The following SLC24A2 variants were observed in gnomAD, a reference collection of about 807,000 sequenced individuals.
SLC24A2 encodes the protein solute carrier family 24 member 2.
SLC24A2 carries 36 observed loss-of-function variants against 62.0 expected under a neutral mutation model. The ratio of observed to expected loss-of-function variants is 0.58; its 90% CI spans 0.44 to 0.77. The LOEUF (loss-of-function observed/expected upper bound fraction) is 0.77, where lower values mean the gene tolerates loss of function less well. Ranked by LOEUF, SLC24A2 falls within the 30% of genes least tolerant of loss-of-function variation. The pLI is 0.00. For synonymous variants in SLC24A2, 358 were observed against 294.0 expected, an observed-to-expected ratio of 1.22 and a Z score of -2.23; for missense variants, 846 against 817.9, an observed-to-expected ratio of 1.03 and a Z score of -0.42.
chr9:20,216,908 T>A, the SLC24A2 span, among the ~76,000 whole-genome samples: 1 of 152,166 alleles, frequency 6.6e-6, no homozygotes, highest in Non-Finnish European at 1.5e-5. Context: ...ATTAAATGTG[T>A]CTTAAACTTA....
chr9:19,751,331 C>T (rs1316306163), intron 2 of SLC24A2, among the ~76,000 whole-genome samples: 1 of 152,128 alleles, frequency 6.6e-6, no homozygotes, highest in Non-Finnish European at 1.5e-5. Flanking sequence ...ATGTGAAAGG[C>T]GGCCAAAGTA....
chr9:19,548,882 C>G (rs146268910), intron 8 of SLC24A2, among the ~76,000 whole-genome samples: 1 of 152,274 alleles, frequency 6.6e-6, no homozygotes, highest in Admixed American at 6.5e-5. Flanking sequence ...GAGACTCTCA[C>G]GAGGAACATT....
chr9:19,979,076 T>A, the SLC24A2 span, among the ~76,000 whole-genome samples: 1 of 152,310 alleles, frequency 6.6e-6, no homozygotes, highest in Middle Eastern at 3.4e-3. Flanking sequence ...AGCAGAGGAA[T>A]AAAATAACGA....
chr9:19,763,603 A>C (rs2118863288), intron 2 of SLC24A2, among the ~76,000 whole-genome samples: 1 of 152,228 alleles, frequency 6.6e-6, no homozygotes, highest in Non-Finnish European at 1.5e-5. Flanking sequence ...TGTTTATGTG[A>C]TGGATTATGT....
intron 2 of SLC24A2, among the ~76,000 whole-genome samples, chr9:19,652,290 C>A (rs1044285578): frequency 6.6e-6 from 1 of 152,126 alleles, no homozygotes; most frequent in African/African-American, 2.4e-5. Flanking sequence ...CCAAAGATGT[C>A]TGTGTCCTGT....
At chr9:20,195,296 C>T in the SLC24A2 span, among the ~76,000 whole-genome samples, 1 of 152,068 alleles carries the variant, frequency 6.6e-6, no homozygotes, top group African/African-American at 2.4e-5. Flanking sequence ...TTCTGTGTCC[C>T]TACACTAGGC....
the SLC24A2 span, among the ~76,000 whole-genome samples, chr9:20,049,577 G>C: frequency 2.0e-5 from 3 of 151,016 alleles, no homozygotes; most frequent in African/African-American, 7.3e-5. Flanking sequence ...GGTCAAACTA[G>C]AAAAAGCTAC....
chr9:20,079,229 G>A, the SLC24A2 span, among the ~76,000 whole-genome samples: 2 of 152,140 alleles, frequency 1.3e-5, no homozygotes, highest in Non-Finnish European at 2.9e-5. Context: ...CTTTGGTTTT[G>A]GACTTCCGGC....
the SLC24A2 span, among the ~76,000 whole-genome samples, chr9:20,295,938 T>C: frequency 1.3e-5 from 2 of 152,196 alleles, no homozygotes; most frequent in African/African-American, 4.8e-5. Flanking sequence ...GTTCTATCTC[T>C]CTGGAGAACC....
At chr9:20,219,014 T>G in the SLC24A2 span, among the ~76,000 whole-genome samples, 253 of 152,254 alleles carry the variant, frequency 1.7e-3, 5 homozygotes, top group Admixed American at 0.016. Flanking sequence ...GTCAGAGGAT[T>G]GAGAAAGGAC....
the SLC24A2 span, among the ~76,000 whole-genome samples, chr9:19,880,349 G>C: frequency 3.3e-5 from 5 of 152,270 alleles, no homozygotes; most frequent in Admixed American, 2.6e-4. Context: ...GATTGGGCTG[G>C]TGTACATCAC....
chr9:20,166,986 G>A, the SLC24A2 span, among the ~76,000 whole-genome samples: 4 of 151,800 alleles, frequency 2.6e-5, no homozygotes, highest in African/African-American at 4.8e-5. Context: ...GACTACAGGC[G>A]CACACCACCA....
At chr9:19,805,624 G>A in the SLC24A2 span, among the ~76,000 whole-genome samples, 1 of 152,132 alleles carries the variant, frequency 6.6e-6, no homozygotes, top group Non-Finnish European at 1.5e-5. Flanking sequence ...CTGAGTGAAT[G>A]AATTCAATCC....
At chr9:20,298,338 C>T in the SLC24A2 span, among the ~76,000 whole-genome samples, 2 of 152,218 alleles carry the variant, frequency 1.3e-5, no homozygotes, top group Admixed American at 1.3e-4. Flanking sequence ...AAGCGATTCT[C>T]CTGCCTTGGC....
chr9:19,948,770 G>A, the SLC24A2 span, among the ~76,000 whole-genome samples: 4 of 146,230 alleles, frequency 2.7e-5, no homozygotes, highest in African/African-American at 7.5e-5. Flanking sequence ...GCGTGAACCC[G>A]GAAGGCGGAG....
the SLC24A2 span, among the ~76,000 whole-genome samples, chr9:19,961,930 G>A: frequency 1.1e-4 from 16 of 152,140 alleles, no homozygotes; most frequent in Non-Finnish European, 2.4e-4. Flanking sequence ...CCCTGAACCA[G>A]AACCACCCAG....
intron 6 of SLC24A2, among the ~76,000 whole-genome samples, chr9:19,576,683 G>C (rs1329444366): frequency 6.6e-6 from 1 of 152,132 alleles, no homozygotes; most frequent in Non-Finnish European, 1.5e-5. Flanking sequence ...TTTTACTTCA[G>C]GTTCCTCAGA....
At chr9:20,099,226 C>T in the SLC24A2 span, among the ~76,000 whole-genome samples, 2 of 152,160 alleles carry the variant, frequency 1.3e-5, no homozygotes, top group Non-Finnish European at 2.9e-5. Flanking sequence ...TTTCTTGAAA[C>T]ATGTTAATAT....
the SLC24A2 span, among the ~76,000 whole-genome samples, chr9:20,295,065 TAC>T: frequency 0.019 from 2,764 of 142,456 alleles, 34 homozygotes; most frequent in Admixed American, 0.039. Flanking sequence ...CACACACACA[TAC>T]ACACACACAC....
Sources: gnomAD v4.1 joint callset for allele counts (sites outside exome capture counted in the v4.1 genomes callset) on GRCh38, gnomAD v4.1.1 for gene constraint, MANE v1.5 for transcripts, NCBI Gene and HGNC (gene_info 2026-07-23, HGNC 2026-07-21) for gene names.